The following PTPRD variants were observed in gnomAD, a reference collection of about 807,000 sequenced individuals.
PTPRD encodes protein tyrosine phosphatase receptor type D, also known as receptor-type tyrosine-protein phosphatase delta.
In PTPRD, 34 loss-of-function variants were observed where a neutral mutation model predicts 214.5. The ratio of observed to expected loss-of-function variants is 0.16; its 90% confidence interval spans 0.12 to 0.21. PTPRD has a LOEUF of 0.21. Among genes scored for constraint, PTPRD ranks in the 10% least tolerant of loss-of-function variants. The pLI is 1.00. For synonymous variants in PTPRD, 1,128 were observed against 845.7 expected (o/e 1.33, Z -5.79); for missense variants, 2,545 against 2,398.7 (o/e 1.06, Z -1.27).
At chr9:10,254,082 A>G (rs1361427605) in intron 3 of PTPRD, among the ~76,000 whole-genome samples, 2 of 152,244 alleles carry the variant, frequency 1.3e-5, no homozygotes, top group Non-Finnish European at 2.9e-5. Flanking sequence ...AAAAGGAGCT[A>G]TCTAGCTAAT....
intron 11 of PTPRD, among the ~76,000 whole-genome samples, chr9:8,830,618 C>T (rs954562561): frequency 2.6e-5 from 4 of 152,066 alleles, no homozygotes; most frequent in African/African-American, 9.7e-5. Flanking sequence ...GAGTGTGCAG[C>T]GACACAGTGT....
At chr9:10,574,910 G>T (rs2068716180) in intron 2 of PTPRD, among the ~76,000 whole-genome samples, 1 of 150,376 alleles carries the variant, frequency 6.6e-6, no homozygotes, top group South Asian at 2.1e-4. Flanking sequence ...CTACAAAAAA[G>T]AATTTAAGAA....
At chr9:10,156,807 C>A (rs985651601) in intron 3 of PTPRD, among the ~76,000 whole-genome samples, 7 of 152,168 alleles carry the variant, frequency 4.6e-5, no homozygotes, top group African/African-American at 1.7e-4. Flanking sequence ...CTTTATGAAT[C>A]TGAGTGCTCG....
intron 5 of PTPRD, among the ~76,000 whole-genome samples, chr9:9,793,278 T>C (rs1006824358): frequency 5.9e-5 from 9 of 152,146 alleles, no homozygotes; most frequent in African/African-American, 2.2e-4. Context: ...TGGATGTATC[T>C]ATAAAACGTG....
At chr9:9,875,805 A>G (rs2066690529) in intron 5 of PTPRD, among the ~76,000 whole-genome samples, 1 of 152,166 alleles carries the variant, frequency 6.6e-6, no homozygotes, top group Non-Finnish European at 1.5e-5. Flanking sequence ...AGTTAATCTT[A>G]GTAAAATGTG....
intron 36 of PTPRD, among the ~76,000 whole-genome samples, chr9:8,401,383 C>T (rs562082751): frequency 6.6e-6 from 1 of 152,256 alleles, no homozygotes; most frequent in African/African-American, 2.4e-5. Flanking sequence ...CTATTGCCCT[C>T]TTCTTCAGGA....
intron 2 of PTPRD, among the ~76,000 whole-genome samples, chr9:10,464,299 C>G (rs1028504709): frequency 6.6e-6 from 1 of 151,844 alleles, no homozygotes; most frequent in African/African-American, 2.4e-5. Flanking sequence ...TAGAATTGCT[C>G]GAACCCGGAG....
chr9:10,285,320 TTTTA>T (rs1251505964), intron 3 of PTPRD, among the ~76,000 whole-genome samples: 4 of 152,176 alleles, frequency 2.6e-5, no homozygotes, highest in African/African-American at 9.7e-5. Context: ...CGACTGCATT[TTTTA>T]TTTATTTTTC....
chr9:8,733,895 A>G lies in PTPRD; in HGVS notation c.-52T>C. 6.6e-7 allele frequency: 1 copy of G among 1,520,824 alleles called. No homozygotes were observed. The highest frequency in any genetic ancestry group is 8.9e-7 in the Non-Finnish European group (1 of 1,124,044). 94.2% of individuals were successfully genotyped at this position (1,520,824 alleles called of 1,614,324 possible). On this transcript the variant is annotated 5_prime_UTR_variant, in exon 12 of 46. Transcript: ENST00000381196. ...AGCAGCTTGGAATCACTGCCTCCGG[A>G]GCCGCAGCGAGTCTGTCCGATCTGA...
At chr9:8,744,712 G>A (rs1407513097) in intron 11 of PTPRD, among the ~76,000 whole-genome samples, 4 of 152,198 alleles carry the variant, frequency 2.6e-5, no homozygotes, top group East Asian at 1.9e-4. Context: ...CTGCTTGGGC[G>A]ATGGGTGCAC....
At chr9:8,896,496 A>G (rs866841962) in intron 11 of PTPRD, among the ~76,000 whole-genome samples, 1 of 152,204 alleles carries the variant, frequency 6.6e-6, no homozygotes, top group African/African-American at 2.4e-5. Context: ...ATGATGAATG[A>G]AATTTCATTA....
intron 8 of PTPRD, among the ~76,000 whole-genome samples, chr9:9,454,467 T>G (rs2092702527): frequency 6.6e-6 from 1 of 151,760 alleles, no homozygotes; most frequent in South Asian, 2.1e-4. Context: ...CAATTATGGT[T>G]TGAAGAACAC....
intron 3 of PTPRD, among the ~76,000 whole-genome samples, chr9:10,316,057 A>C (rs2096413094): frequency 6.6e-6 from 1 of 150,984 alleles, no homozygotes; most frequent in Non-Finnish European, 1.5e-5. Context: ...TTTTAAATTT[A>C]TAATGGTGTT....
intron 8 of PTPRD, among the ~76,000 whole-genome samples, chr9:9,458,063 A>G (rs940473041): frequency 2.0e-5 from 3 of 152,238 alleles, no homozygotes; most frequent in Admixed American, 6.5e-5. Flanking sequence ...CTTTGAAAGC[A>G]GTTACTGATT....
rs888587231 is a variant in PTPRD, at chr9:9,619,114, A to G, written c.-286-44333T>C. Among the ~76,000 whole-genome samples, 7 of 152,156 alleles carry G rather than the reference A, an allele frequency of 4.6e-5. 1 individual carries two copies. Among genetic ancestry groups the G allele is most frequent in the African/African-American group, 1.7e-4 (7 of 41,454 alleles). ...ATAGTGGACTGGTGGTACAAATTTC[A>G]TATTATACTAAGGCAAACGCATGAG... is the stretch of plus-strand genomic sequence containing the variant. On this transcript the variant is annotated intron_variant, in intron 7 of 45. Transcript: ENST00000381196.
At chr9:9,763,212 T>C (rs182043380) in intron 6 of PTPRD, among the ~76,000 whole-genome samples, 1 of 152,284 alleles carries the variant, frequency 6.6e-6, no homozygotes, top group East Asian at 1.9e-4. Context: ...ACATCAAAGT[T>C]TCAAGAAAAA....
At chr9:9,968,262 A>G (rs1222098261) in intron 4 of PTPRD, among the ~76,000 whole-genome samples, 2 of 152,170 alleles carry the variant, frequency 1.3e-5, no homozygotes, top group Non-Finnish European at 2.9e-5. Flanking sequence ...GAAGCTGGAG[A>G]GGAACAGAGC....
intron 7 of PTPRD, among the ~76,000 whole-genome samples, chr9:9,718,202 CTTTTA>C (rs66704921): frequency 1.2e-3 from 189 of 152,136 alleles, no homozygotes; most frequent in Non-Finnish European, 2.5e-3. Flanking sequence ...AAAATATTTT[CTTTTA>C]TAAGAGGAGA....
chr9:9,084,799 T>C (rs2099764623), intron 10 of PTPRD, among the ~76,000 whole-genome samples: 1 of 152,140 alleles, frequency 6.6e-6, no homozygotes. Context: ...CGGACTGTTG[T>C]TTTGATCTCT....
Sources: gnomAD v4.1 joint callset for allele counts (sites outside exome capture counted in the v4.1 genomes callset) on GRCh38, gnomAD v4.1.1 for gene constraint, MANE v1.5 for transcripts, NCBI Gene and HGNC (gene_info 2026-07-23, HGNC 2026-07-21) for gene names.